The following PGLYRP4 variants were observed in gnomAD, a reference collection of about 807,000 sequenced individuals.
PGLYRP4 encodes PGRP-I-beta.
In PGLYRP4, 39 loss-of-function variants were observed where a neutral mutation model predicts 41.2. That is an observed-to-expected ratio of 0.95 (90% CI 0.73 to 1.24). The LOEUF is 1.24. Among genes scored for constraint, PGLYRP4 ranks in the 50% most tolerant of loss-of-function variants. The pLI, the probability that PGLYRP4 is intolerant of heterozygous loss-of-function variation, is 0.00. For synonymous variants in PGLYRP4, 202 were observed against 186.8 expected (o/e 1.08, Z -0.66); for missense variants, 467 against 460.7 (o/e 1.01, Z -0.13).
intron 6 of PGLYRP4, 129 bp downstream of exon 6, chr1:153,341,498 G>T: frequency 1.2e-6 from 1 of 818,542 alleles, no homozygotes; most frequent in Admixed American, 2.5e-5. Flanking sequence ...AGTTCAGAGA[G>T]TTGGGTGGCC....
At position 153,347,914 on chromosome 1, in the gene PGLYRP4, CAAG is replaced by C. The variant is rs754378033; in HGVS notation, c.16_18del (p.Leu6del). ...GCCTGGATACCCAGAGCAGAGAAGA[CAAG>C]AAGCCACGGCAGCATCCCCACGTGG... On this transcript the variant is annotated inframe_deletion, in exon 2 of 9. Transcript: ENST00000359650. 3 of 1,613,672 alleles carry C rather than the reference CAAG, an allele frequency of 1.9e-6. No homozygotes were observed. The highest frequency in any genetic ancestry group is 2.5e-6 in the Non-Finnish European group (3 of 1,179,640).
Position 153,340,470 on chromosome 1 carries a change from G to A in PGLYRP4, c.735C>T (p.Thr245=), listed in dbSNP as rs201317703. 195 of 1,614,204 alleles carry A rather than the reference G, an allele frequency of 1.2e-4. 2 individuals are homozygous for A. In the Middle Eastern group the frequency reaches 1.3e-3, roughly 11 times the overall value. The change falls in exon 7 of 9, where the codon ACC becomes ACT. Residue 245 remains threonine, a synonymous_variant. Transcript: ENST00000359650. The part of the protein sequence containing the change: ...YGIIIHTAGR[T]CNISDECRLL... ...GGCGGCACTCATCAGAAATGTTGCA[G>A]GTCCTCCCGGCAGTGTGGATAATGA...
chr1:153,345,213 C>T lies in PGLYRP4; in HGVS notation c.309G>A (p.Gln103=). 6.2e-7 allele frequency: 1 copy of T among 1,613,934 alleles called. No individual in the cohort carries two copies. The highest frequency in any genetic ancestry group is 8.5e-7 in the Non-Finnish European group (1 of 1,180,010). Residue 103 remains glutamine, a synonymous_variant, in exon 4 of 9, where the codon CAG becomes CAA. Coordinates refer to ENST00000359650, the MANE Select transcript of PGLYRP4 (RefSeq NM_020393.4). ...CACTGTTGTTGTGGACATGATGGGC[C>T]TGCAGTTCCCGCAGTCTCTGGCTGC... ...TVCSQRLREL[Q]AHHVHNNSGC...
At position 153,344,003 on chromosome 1, in the gene PGLYRP4, G is replaced by A. The variant is rs1240317815; in HGVS notation, c.354-795C>T. Among the ~76,000 whole-genome samples the A allele has an allele frequency of 1.7e-4, 26 of 152,252 alleles. No individual in the cohort carries two copies. The East Asian group carries it at 5.0e-3, about 29-fold the overall frequency. On this transcript the variant is annotated intron_variant, in intron 4 of 8. Coordinates refer to ENST00000359650, the MANE Select transcript of PGLYRP4 (RefSeq NM_020393.4). ...GATAAGGAAGCTAAAAGCAGACTGG[G>A]GGGCGGTGGGGATATGCCTGCAGCT...
chr1:153,340,265 C>T (rs1660738194), intron 7 of PGLYRP4, 116 bp downstream of exon 7: 1 of 883,924 alleles, frequency 1.1e-6, no homozygotes, highest in South Asian at 1.5e-5. Context: ...GTTATCCATA[C>T]AGTGCCTCTC....
In PGLYRP4 at chr1:153,345,149, GA is replaced by G. The variant is rs1660949056; in HGVS notation, c.353+19del. ...AAGCAACACTGACCATGTGCCGTGG[GA>G]CCCAGACCCAGCTCTTACTTGTAGG... On this transcript the variant is annotated intron_variant, in intron 4 of 8. Transcript: ENST00000359650. 1 of 1,585,312 alleles carries G rather than the reference GA, an allele frequency of 6.3e-7. No homozygotes were observed. Among genetic ancestry groups the G allele is most frequent in the African/African-American group, 1.3e-5 (1 of 74,616 alleles).
chr1:153,345,959 G>T, intron 3 of PGLYRP4, 143 bp downstream of exon 3: 1 of 697,902 alleles, frequency 1.4e-6, no homozygotes, highest in Non-Finnish European at 2.6e-6. Flanking sequence ...AATGCAGGTG[G>T]TTTACTGGTA....
intron 1 of PGLYRP4, among the ~76,000 whole-genome samples, chr1:153,348,289 T>C (rs1192430562): frequency 6.6e-6 from 1 of 152,180 alleles, no homozygotes; most frequent in African/African-American, 2.4e-5. Flanking sequence ...CCCCCATTTT[T>C]ACAGACAAAG....
chr1:153,345,803 A>G (rs1458745070), intron 3 of PGLYRP4, among the ~76,000 whole-genome samples: 3 of 152,074 alleles, frequency 2.0e-5, no homozygotes, highest in Non-Finnish European at 2.9e-5. Context: ...AGCAGGGGCT[A>G]TGTCTCCCCC....
At position 153,343,130 on chromosome 1, in the gene PGLYRP4, G is replaced by A. The variant is rs1364717328; in HGVS notation, c.432C>T (p.Asn144=). The A allele has an allele frequency of 1.2e-6, 2 of 1,613,544 alleles. No homozygotes were observed. The highest frequency in any genetic ancestry group is 2.7e-5 in the African/African-American group (2 of 74,916). The part of the protein sequence containing the change: ...NIQGVHTQGY[N]NISLGFAFFG... ...AGAAGGCAAAGCCCAGGGAGATGTT[G>A]TTGTAGCCTTGGGTGTGCACTCCTT... is the stretch of plus-strand genomic sequence containing the variant. The change falls in exon 5 of 9, where the codon AAC becomes AAT. Residue 144 remains asparagine, a synonymous_variant. Coordinates refer to ENST00000359650, the MANE Select transcript of PGLYRP4 (RefSeq NM_020393.4).
chr1:153,338,527 C>T (rs1290306033), intron 7 of PGLYRP4, among the ~76,000 whole-genome samples: 3 of 152,212 alleles, frequency 2.0e-5, no homozygotes, highest in East Asian at 3.8e-4. Context: ...GCACTGAGTG[C>T]ACACACCCCA....
chr1:153,335,849 T>A (rs756530509), intron 8 of PGLYRP4, among the ~76,000 whole-genome samples: 27 of 152,232 alleles, frequency 1.8e-4, no homozygotes, highest in Admixed American at 6.5e-5. Flanking sequence ...TATGGAGATT[T>A]ATCAAAGAGC....
intron 8 of PGLYRP4, among the ~76,000 whole-genome samples, chr1:153,333,235 G>A (rs1660410478): frequency 6.6e-6 from 1 of 151,992 alleles, no homozygotes; most frequent in Admixed American, 6.6e-5. Context: ...AATAAAGGTT[G>A]CATTACAGTT....
chr1:153,347,975 C>G lies in PGLYRP4; in HGVS notation c.-43G>C, dbSNP rs1326411859. 1.3e-6 allele frequency: 2 copies of G among 1,528,526 alleles called. No individual in the cohort carries two copies. The highest frequency in any genetic ancestry group is 1.8e-6 in the Non-Finnish European group (2 of 1,105,252). The allele number at this position is 1,528,526 out of a possible 1,614,324, so 94.7% of individuals were successfully genotyped here. ...ACACCAATCTGGAGAGTGTGGATGG[C>G]AGCCTGAGAGAGACGCTGACAGTTG... On this transcript the variant is annotated 5_prime_UTR_variant, in exon 2 of 9. Coordinates refer to ENST00000359650, the MANE Select transcript of PGLYRP4 (RefSeq NM_020393.4).
intron 8 of PGLYRP4, among the ~76,000 whole-genome samples, chr1:153,334,365 A>G (rs1186994534): frequency 2.0e-5 from 3 of 150,148 alleles, no homozygotes; most frequent in East Asian, 3.9e-4. Flanking sequence ...ATATGTTTGT[A>G]TGTATATATA....
chr1:153,346,815 GC>G (rs748465764), intron 2 of PGLYRP4, among the ~76,000 whole-genome samples: 9 of 152,138 alleles, frequency 5.9e-5, no homozygotes, highest in African/African-American at 1.2e-4. Flanking sequence ...TGCTTTTACT[GC>G]CCACGTATTG....
chr1:153,340,591 C>T lies in PGLYRP4; in HGVS notation c.626-12G>A, dbSNP rs536970320. On this transcript the variant is annotated splice_polypyrimidine_tract_variant and intron_variant, in intron 6 of 8. Transcript: ENST00000359650. ...AACGCCGGGGCAAGCTGAGGTGGGG[C>T]GAGAAACCACAGAGGGTTCATCTTC... 22 of 1,612,208 alleles carry T rather than the reference C, an allele frequency of 1.4e-5. No individual in the cohort carries two copies. The highest frequency in any genetic ancestry group is 6.7e-5 in the East Asian group (3 of 44,872).
In PGLYRP4 at chr1:153,345,241, ACTGT is replaced by A. The variant is rs774663023; in HGVS notation, c.277_280del (p.Thr93SerfsTer79). On this transcript the variant is annotated frameshift_variant, in exon 4 of 9. Coordinates refer to ENST00000359650, the MANE Select transcript of PGLYRP4 (RefSeq NM_020393.4). LOFTEE classifies it high-confidence loss of function. ...CAGTTCCCGCAGTCTCTGGCTGCAG[ACTGT>A]CTGGTCGTGACACTCCAGTCCAGGG... The A allele has an allele frequency of 1.2e-6, 2 of 1,614,150 alleles. No individual in the cohort carries two copies. Among genetic ancestry groups the A allele is most frequent in the East Asian group, 2.2e-5 (1 of 44,882 alleles).
At chr1:153,339,627 T>C (rs1050818821) in intron 7 of PGLYRP4, among the ~76,000 whole-genome samples, 16 of 152,234 alleles carry the variant, frequency 1.1e-4, no homozygotes, top group African/African-American at 3.6e-4. Context: ...TCTGAAAGCA[T>C]CCTTCAAGAA....
Sources: gnomAD v4.1 joint callset for allele counts (sites outside exome capture counted in the v4.1 genomes callset) on GRCh38, gnomAD v4.1.1 for gene constraint, MANE v1.5 for transcripts, NCBI Gene and HGNC (gene_info 2026-07-23, HGNC 2026-07-21) for gene names.